CCDC186: variants seen among roughly 807,000 people sequenced by gnomAD.
CCDC186 encodes coiled-coil domain-containing protein 186.
A neutral mutation model predicts 113.7 loss-of-function variants in CCDC186; 49 were observed. That is an observed-to-expected ratio of 0.43 (90% CI 0.34 to 0.55). The LOEUF (loss-of-function observed/expected upper bound fraction) is 0.55, where lower values mean the gene tolerates loss of function less well. CCDC186 is among the 20% of genes least tolerant of loss of function. The pLI is 0.02. For synonymous variants in CCDC186, 355 were observed against 345.8 expected (o/e 1.03, Z -0.30); for missense variants, 890 against 1,011.1 (o/e 0.88, Z 1.62).
Position 114,163,302 on chromosome 10 carries a change from A to G in CCDC186, c.-34T>C. The G allele has an allele frequency of 6.4e-7, 1 of 1,572,714 alleles. No homozygotes were observed. Among genetic ancestry groups the G allele is most frequent in the Non-Finnish European group, 8.6e-7 (1 of 1,167,778 alleles). On this transcript the variant is annotated 5_prime_UTR_variant, in exon 2 of 16. Transcript: ENST00000369287. ...GCACCAATTCACTTTGTAATTCTTC[A>G]AATCTGCTCCTGATCTTCGTTTTAC...
At chr10:114,158,405 A>G (rs1267352586) in intron 2 of CCDC186, among the ~76,000 whole-genome samples, 1 of 152,196 alleles carries the variant, frequency 6.6e-6, no homozygotes, top group Non-Finnish European at 1.5e-5. Flanking sequence ...AACAGCAAGT[A>G]CTCTAGGACT....
chr10:114,134,325 G>A (rs1356101940), intron 10 of CCDC186, among the ~76,000 whole-genome samples: 1 of 152,210 alleles, frequency 6.6e-6, no homozygotes, highest in Non-Finnish European at 1.5e-5. Flanking sequence ...CACATGGTAA[G>A]ATTAGGTGCA....
Position 114,136,242 on chromosome 10 carries a change from G to T in CCDC186, c.1331C>A (p.Ser444Ter). 6.2e-7 allele frequency: 1 copy of T among 1,608,278 alleles called. No homozygotes were observed. The highest frequency in any genetic ancestry group is 1.1e-5 in the South Asian group (1 of 90,812). Reference protein sequence around the residue: ...CQDMIKTYQESEEIKSNELDA... With the variant: ...CQDMIKTYQE ...AAGCTCATTTGATTTAATTTCTTCT[G>T]ACTCCTAGTGGAAAGAAAACAAAAA... The change falls in exon 8 of 16, where the codon TCA becomes TAA. Residue 444 changes from serine (S) to a stop codon, truncating the protein, a stop_gained. Transcript: ENST00000369287. LOFTEE classifies it high-confidence loss of function.
At chr10:114,143,914 C>T (rs922750535) in intron 6 of CCDC186, among the ~76,000 whole-genome samples, 8 of 152,090 alleles carry the variant, frequency 5.3e-5, no homozygotes, top group East Asian at 3.9e-4. Flanking sequence ...CTTAAAATTA[C>T]GGCATCAGGT....
At chr10:114,160,622 A>G (rs2032143066) in intron 2 of CCDC186, among the ~76,000 whole-genome samples, 1 of 24 alleles carries the variant, frequency 0.042, no homozygotes. Context: ...TCAAATCATC[A>G]CATTGTACCT....
chr10:114,171,754 TTACA>T (rs984635737), intron 1 of CCDC186, among the ~76,000 whole-genome samples: 6 of 152,208 alleles, frequency 3.9e-5, no homozygotes, highest in Non-Finnish European at 7.3e-5. Flanking sequence ...GCGGTAGACA[TTACA>T]TAGTCTACAT....
rs527619384 is a variant in CCDC186 at position 114,160,750 on chromosome 10, AG to A, written c.632+1886del. 2.2e-4 allele frequency among the ~76,000 whole-genome samples: 34 copies of A among 152,374 alleles called. No individual in the cohort carries two copies. In the East Asian group the frequency reaches 6.0e-3, roughly 27 times the overall value. ...TCATTAAAATTTCAAAGAAAGTAAA[AG>A]GAAGTTTTCTTCATAGAAAATTAGA... On this transcript the variant is annotated intron_variant, in intron 2 of 15. Coordinates refer to ENST00000369287, the MANE Select transcript of CCDC186 (RefSeq NM_018017.4).
chr10:114,148,104 C>T (rs2031702980), intron 4 of CCDC186, among the ~76,000 whole-genome samples: 1 of 152,160 alleles, frequency 6.6e-6, no homozygotes, highest in Admixed American at 6.5e-5. Flanking sequence ...CATTGCACTC[C>T]AGCCTGGGCA....
At chr10:114,162,057 T>C (rs2032183583) in intron 2 of CCDC186, 4 of 152,216 alleles carry the variant, frequency 2.6e-5, no homozygotes, top group Admixed American at 1.3e-4. Context: ...ACGAATACAG[T>C]GTTTCAGATT....
chr10:114,151,707 T>A (rs965066373), intron 3 of CCDC186, among the ~76,000 whole-genome samples: 1 of 152,222 alleles, frequency 6.6e-6, no homozygotes, highest in African/African-American at 2.4e-5. Flanking sequence ...AGTCGCTTAG[T>A]AGCCATCTCA....
chr10:114,162,644 T>G lies in CCDC186; in HGVS notation c.625A>C (p.Ile209Leu). ...QDKYLQQEHI[I>L]KKLIKENKKH... Reference sequence around the variant, plus strand: ...AAGGTATAAAAAACTTACTTTTTTATGATATGTTCCTGCTGCAAATATTTA... The same window carrying G: ...AAGGTATAAAAAACTTACTTTTTTAGGATATGTTCCTGCTGCAAATATTTA... Residue 209 changes from isoleucine to leucine, a missense_variant, in exon 2 of 16, where the codon ATA becomes CTA. Transcript: ENST00000369287. 1 of 1,554,042 alleles carries G rather than the reference T, an allele frequency of 6.4e-7. No individual in the cohort carries two copies. The highest frequency in any genetic ancestry group is 8.7e-7 in the Non-Finnish European group (1 of 1,155,332).
intron 2 of CCDC186, among the ~76,000 whole-genome samples, chr10:114,158,261 A>G (rs2032068458): frequency 6.6e-6 from 1 of 152,248 alleles, no homozygotes; most frequent in African/African-American, 2.4e-5. Flanking sequence ...TAATAGTTAT[A>G]ATGTACAGTC....
At chr10:114,169,601 C>G (rs780105563) in intron 1 of CCDC186, among the ~76,000 whole-genome samples, 4 of 152,148 alleles carry the variant, frequency 2.6e-5, no homozygotes, top group Non-Finnish European at 5.9e-5. Context: ...ATTAAGCAAA[C>G]TGAACTTGAG....
At chr10:114,173,094 G>A in intron 1 of CCDC186, 2 of 385,720 alleles carry the variant, frequency 5.2e-6, no homozygotes, top group South Asian at 1.8e-5. Context: ...AAAAAAAGCT[G>A]GGCATCAAAG....
At chr10:114,140,070 C>T (rs550761356) in intron 6 of CCDC186, among the ~76,000 whole-genome samples, 1 of 152,348 alleles carries the variant, frequency 6.6e-6, no homozygotes, top group South Asian at 2.1e-4. Flanking sequence ...GCTCCAGGGA[C>T]ATACTGTATA....
chr10:114,170,826 T>TA (rs968247533), intron 1 of CCDC186, among the ~76,000 whole-genome samples: 16 of 150,762 alleles, frequency 1.1e-4, no homozygotes, highest in Non-Finnish European at 1.5e-4. Flanking sequence ...CAAAGATGTT[T>TA]AAAAAAAAAG....
chr10:114,147,779 G>C (rs1209925314), intron 4 of CCDC186, among the ~76,000 whole-genome samples: 1 of 152,126 alleles, frequency 6.6e-6, no homozygotes, highest in Non-Finnish European at 1.5e-5. Flanking sequence ...GAAGTTGAGA[G>C]ATAGGGGGTA....
intron 1 of CCDC186, among the ~76,000 whole-genome samples, chr10:114,163,996 C>G (rs1192388540): frequency 7.0e-6 from 1 of 143,826 alleles, no homozygotes; most frequent in Non-Finnish European, 1.5e-5. Context: ...ATGTCCAGTA[C>G]AAATAAAATG....
At chr10:114,161,025 A>C (rs1335827537) in intron 2 of CCDC186, among the ~76,000 whole-genome samples, 9 of 152,236 alleles carry the variant, frequency 5.9e-5, no homozygotes, top group Admixed American at 1.3e-4. Context: ...GGCAAATGCC[A>C]ATGGGTATCT....
Sources: gnomAD v4.1 joint callset for allele counts (sites outside exome capture counted in the v4.1 genomes callset) on GRCh38, gnomAD v4.1.1 for gene constraint, MANE v1.5 for transcripts, NCBI Gene and HGNC (gene_info 2026-07-23, HGNC 2026-07-21) for gene names.